The following JADE1 variants were observed in gnomAD, a reference collection of about 807,000 sequenced individuals.
JADE1 encodes jade family PHD finger 1, also known as protein Jade-1.
A neutral mutation model predicts 81.8 loss-of-function variants in JADE1; 14 were observed. The observed-to-expected ratio is 0.17, with a 90% CI of 0.11 to 0.27. The LOEUF is 0.27. Ranked by LOEUF, JADE1 falls within the 10% of genes least tolerant of loss-of-function variation. The pLI, the probability that JADE1 is intolerant of heterozygous loss-of-function variation, is 1.00. For missense variants in JADE1, 690 were observed against 1,047.9 expected, an observed-to-expected ratio of 0.66 and a Z score of 4.71; for synonymous variants, 353 against 391.9, an observed-to-expected ratio of 0.90 and a Z score of 1.17.
intron 9 of JADE1, 86 bp downstream of exon 9, chr4:128,862,311 C>G: frequency 1.3e-6 from 2 of 1,572,406 alleles, no homozygotes; most frequent in Non-Finnish European, 1.7e-6. Context: ...AAATGATAGC[C>G]AGTCATATAC....
chr4:128,862,613 C>T (rs538016652), intron 9 of JADE1: 19 of 1,028,042 alleles, frequency 1.8e-5, no homozygotes, highest in Middle Eastern at 5.0e-4. Flanking sequence ...AAAACCAGAA[C>T]GGATTTCATT....
At chr4:128,837,108 CTT>C (rs1729047655) in intron 2 of JADE1, among the ~76,000 whole-genome samples, 1 of 152,160 alleles carries the variant, frequency 6.6e-6, no homozygotes, top group Admixed American at 6.5e-5. Context: ...GATTTGTTGA[CTT>C]TCTTTGGGAA....
At chr4:128,844,310 C>T (rs1347373304) in intron 3 of JADE1, among the ~76,000 whole-genome samples, 2 of 152,136 alleles carry the variant, frequency 1.3e-5, no homozygotes, top group Non-Finnish European at 2.9e-5. Flanking sequence ...CCCAGCAGCA[C>T]GGGTTGCTGT....
chr4:128,871,422 C>T lies in JADE1; in HGVS notation c.1689C>T (p.Gly563=). ...TTTTGTTTAACAGTCCTTCTGTTGG[C>T]CCTGATGCTCCCAAGATAGAGGACT... ...NMLLFNSPSV[G]PDAPKIEDLK... The change falls in exon 11 of 11, where the codon GGC becomes GGT. Residue 563 remains glycine (G), a synonymous_variant. Transcript: ENST00000226319. This position sits in a 1 kb window ranked among gnomAD's most constrained non-coding sequence, Gnocchi z 4.1. 6.2e-7 allele frequency: 1 copy of T among 1,614,160 alleles called. No individual in the cohort carries two copies. Among genetic ancestry groups the T allele is most frequent in the Non-Finnish European group, 8.5e-7 (1 of 1,180,002 alleles).
chr4:128,851,149 G>C (rs1049819291), intron 5 of JADE1, among the ~76,000 whole-genome samples: 1 of 152,174 alleles, frequency 6.6e-6, no homozygotes, highest in South Asian at 2.1e-4. Context: ...CAGGTTGGTC[G>C]TGAACTCCTG....
intron 6 of JADE1, 105 bp downstream of exon 6, chr4:128,852,373 T>C: frequency 1.2e-6 from 1 of 852,108 alleles, no homozygotes. Context: ...ATGGGGTCTG[T>C]GTTTCTACGA....
chr4:128,862,936 GTC>G, intron 9 of JADE1: 1 of 986,328 alleles, frequency 1.0e-6, no homozygotes, highest in Non-Finnish European at 1.2e-6. Flanking sequence ...GTCCATCCAT[GTC>G]TCTGTTGTGT....
chr4:128,870,605 A>G (rs1732117682), intron 10 of JADE1, among the ~76,000 whole-genome samples: 1 of 152,232 alleles, frequency 6.6e-6, no homozygotes, highest in African/African-American at 2.4e-5. Flanking sequence ...AGAGTACATT[A>G]TCAAATGATG....
chr4:128,834,902 T>TA (rs1206128536), intron 2 of JADE1, among the ~76,000 whole-genome samples: 1 of 151,714 alleles, frequency 6.6e-6, no homozygotes, highest in Non-Finnish European at 1.5e-5. Context: ...TCCTGACACT[T>TA]AGGGAGGCTG....
At chr4:128,838,094 C>T (rs550205441) in intron 2 of JADE1, among the ~76,000 whole-genome samples, 10 of 152,168 alleles carry the variant, frequency 6.6e-5, no homozygotes, top group Admixed American at 5.9e-4. Flanking sequence ...TTGGAGATGT[C>T]TGTATAATAG....
At chr4:128,825,962 A>G (rs1310589883) in intron 1 of JADE1, among the ~76,000 whole-genome samples, 1 of 152,162 alleles carries the variant, frequency 6.6e-6, no homozygotes, top group Non-Finnish European at 1.5e-5. Context: ...ACACCAGAGG[A>G]TTGTTAAGTA....
chr4:128,849,499 T>C (rs946814025), intron 5 of JADE1, among the ~76,000 whole-genome samples: 2 of 152,200 alleles, frequency 1.3e-5, no homozygotes, highest in Admixed American at 1.3e-4. Flanking sequence ...AGTTACCTGC[T>C]CTAGTGTTTT....
At chr4:128,860,127 T>C (rs1234806925) in intron 8 of JADE1, among the ~76,000 whole-genome samples, 1 of 152,216 alleles carries the variant, frequency 6.6e-6, no homozygotes, top group East Asian at 1.9e-4. Context: ...GTTCCCACTT[T>C]TACTTCCCAC....
Position 128,872,869 on chromosome 4 carries a change from G to T in JADE1, c.*607G>T. ...AAAAGGTCATTATTGAAGAAGCTGA[G>T]GGGACAGGGTAGAGCTGCTGCAATA... On this transcript the variant is annotated 3_prime_UTR_variant, in exon 11 of 11. Coordinates refer to ENST00000226319, the MANE Select transcript of JADE1 (RefSeq NM_199320.4). 2.2e-6 allele frequency: 1 copy of T among 453,734 alleles called. No individual in the cohort carries two copies. Among genetic ancestry groups the T allele is most frequent in the African/African-American group, 2.0e-5 (1 of 50,120 alleles). The allele number at this position is 453,734 out of a possible 1,614,324, so 28.1% of individuals were successfully genotyped here.
chr4:128,850,903 A>C (rs1730294877), intron 5 of JADE1, among the ~76,000 whole-genome samples: 1 of 152,150 alleles, frequency 6.6e-6, no homozygotes, highest in Admixed American at 6.5e-5. Flanking sequence ...CGCATGCTTA[A>C]ATATGTTTGT....
chr4:128,813,010 CATGAAGGCT>C (rs1726620756), intron 1 of JADE1, among the ~76,000 whole-genome samples: 1 of 152,228 alleles, frequency 6.6e-6, no homozygotes, highest in Admixed American at 6.5e-5. Flanking sequence ...TAATACCCGC[CATGAAGGCT>C]AGCTCTCTTG....
intron 1 of JADE1, among the ~76,000 whole-genome samples, chr4:128,821,339 G>T (rs991492865): frequency 3.3e-5 from 5 of 152,144 alleles, no homozygotes; most frequent in African/African-American, 1.2e-4. Context: ...ATGTGCCTGG[G>T]GGTGTGGAAA....
intron 1 of JADE1, 153 bp from the exon 2 acceptor site, chr4:128,831,580 G>A: frequency 1.6e-6 from 1 of 627,306 alleles, no homozygotes; most frequent in East Asian, 2.7e-5. Flanking sequence ...ACCTAATTAT[G>A]TATCTTTGGT....
In JADE1 at chr4:128,869,094, C is replaced by G. The variant is rs140408090; in HGVS notation, c.1621+1121C>G. On this transcript the variant is annotated intron_variant, in intron 10 of 10. Transcript: ENST00000226319. ...GTGCGACTAGAGGGAGCTCGGTCAT[C>G]TGAAGAAATAAAAAAAGGTTTAGGG... Among the ~76,000 whole-genome samples, 16 of 152,194 alleles carry G rather than the reference C, an allele frequency of 1.1e-4. 1 individual carries two copies. The highest frequency in any genetic ancestry group is 3.4e-4 in the African/African-American group (14 of 41,534).
Sources: allele counts gnomAD v4.1 joint callset (sites outside exome capture counted in the v4.1 genomes callset), GRCh38; gene constraint gnomAD v4.1.1; non-coding constraint Gnocchi (gnomAD v3.1); transcripts MANE v1.5; gene names NCBI Gene and HGNC (gene_info 2026-07-23, HGNC 2026-07-21).